ACOT11: variants seen among roughly 807,000 people sequenced by gnomAD.
ACOT11 encodes acyl-CoA thioesterase 11.
A neutral mutation model predicts 77.5 loss-of-function variants in ACOT11; 69 were observed. That is an observed-to-expected ratio of 0.89 (90% CI 0.73 to 1.09). The LOEUF is 1.09. Ranked by LOEUF, ACOT11 falls within the 50% of genes least tolerant of loss-of-function variation. ACOT11 has a pLI of 0.00. For missense variants in ACOT11, 766 were observed against 813.7 expected, an observed-to-expected ratio of 0.94 and a Z score of 0.71; for synonymous variants, 279 against 313.0, an observed-to-expected ratio of 0.89 and a Z score of 1.15.
chr1:54,616,454 C>T (rs907005495), intron 15 of ACOT11, among the ~76,000 whole-genome samples: 1 of 151,988 alleles, frequency 6.6e-6, no homozygotes, highest in Non-Finnish European at 1.5e-5. Flanking sequence ...AGCTCCACCT[C>T]CCAGTTTCAA....
chr1:54,597,043 G>A (rs756138829), intron 6 of ACOT11, among the ~76,000 whole-genome samples: 1 of 152,230 alleles, frequency 6.6e-6, no homozygotes, highest in Non-Finnish European at 1.5e-5. Context: ...CAGACCTGCT[G>A]TCTTGTCTCA....
At chr1:54,580,721 C>G (rs955065382) in intron 1 of ACOT11, among the ~76,000 whole-genome samples, 1 of 152,208 alleles carries the variant, frequency 6.6e-6, no homozygotes, top group Non-Finnish European at 1.5e-5. Flanking sequence ...AAGCATCTGT[C>G]TGATGGGGGT....
chr1:54,589,697 G>A (rs996378695), intron 3 of ACOT11, among the ~76,000 whole-genome samples: 4 of 151,962 alleles, frequency 2.6e-5, no homozygotes, highest in African/African-American at 9.7e-5. Context: ...ATGTTGACCA[G>A]GCTGGTCTCA....
At chr1:54,603,794 GA>G (rs1643992410) in intron 10 of ACOT11, 76 bp from the exon 11 acceptor site, 4 of 1,372,834 alleles carry the variant, frequency 2.9e-6, no homozygotes, top group Middle Eastern at 1.8e-4. Context: ...GCCTAGCACA[GA>G]GTAGGCCTGC....
At chr1:54,555,830 C>T (rs997274265) in intron 1 of ACOT11, among the ~76,000 whole-genome samples, 13 of 152,044 alleles carry the variant, frequency 8.6e-5, no homozygotes, top group South Asian at 2.1e-4. Context: ...CTGCAACCTC[C>T]GCCTCCCAGG....
At position 54,607,067 on chromosome 1, in the gene ACOT11, G is replaced by C. The variant is rs1318129565; in HGVS notation, c.1371-67G>C. On this transcript the variant is annotated intron_variant, in intron 13 of 15. Coordinates refer to ENST00000343744, the MANE Select transcript of ACOT11 (RefSeq NM_147161.4). This position sits in a 1 kb window ranked among gnomAD's most constrained non-coding sequence, Gnocchi z 4.5. ...AGGCACTGCAGTGTGGCAGGGCCCG[G>C]GCAGACCCGCTGCTTGCATGGGAGC... is the stretch of plus-strand genomic sequence containing the variant. 7.5e-6 allele frequency: 12 copies of C among 1,602,178 alleles called. No homozygotes were observed. The highest frequency in any genetic ancestry group is 4.3e-6 in the Non-Finnish European group (5 of 1,174,162).
At position 54,627,025 on chromosome 1, in the gene ACOT11, T is replaced by G. The variant is rs1242572179; in HGVS notation, c.1630-3709T>G. Among the ~76,000 whole-genome samples, 4 of 133,618 alleles carry G rather than the reference T, an allele frequency of 3.0e-5. 1 individual carries two copies. The highest frequency in any genetic ancestry group is 6.8e-5 in the Non-Finnish European group (4 of 59,148). The allele number at this position is 133,618 out of a possible 152,430, so 87.7% of individuals were successfully genotyped here. A position where few individuals can be genotyped will look rare whatever the true frequency, so the allele number is the denominator to read the frequency against. On this transcript the variant is annotated intron_variant, in intron 15 of 16. Coordinates refer to the ACOT11 transcript ENST00000371316. Reference sequence around the variant, plus strand: ...GTGCGCACCACCACGCTCAGCTAATTTTTGTATTTTTAGTAAAGACGGGGT... The same window carrying G: ...GTGCGCACCACCACGCTCAGCTAATGTTTGTATTTTTAGTAAAGACGGGGT...
intron 1 of ACOT11, among the ~76,000 whole-genome samples, chr1:54,577,314 C>T (rs994756997): frequency 6.6e-5 from 10 of 152,108 alleles, no homozygotes; most frequent in African/African-American, 2.2e-4. Flanking sequence ...TTCCCTCTGC[C>T]CCCAGCCCCG....
At chr1:54,622,444 G>A (rs1644239474) in intron 15 of ACOT11, among the ~76,000 whole-genome samples, 1 of 152,118 alleles carries the variant, frequency 6.6e-6, no homozygotes. Context: ...TGAGCGTGGT[G>A]GCGCACGCCT....
rs138724698 is a variant in ACOT11, at chr1:54,607,183, G to A, written c.1420G>A (p.Val474Ile). Residue 474 changes from valine (V) to isoleucine (I), a missense_variant, in exon 14 of 16, where the codon GTC (valine) becomes ATC (isoleucine). By Grantham distance (29) the Val-to-Ile change is conservative. Coordinates refer to ENST00000343744, the MANE Select transcript of ACOT11 (RefSeq NM_147161.4). This position sits in a 1 kb window ranked among gnomAD's most constrained non-coding sequence, Gnocchi z 4.5. ...QVDEDDAIYH[V>I]TSPALGGHTK... ...AGACGAGGACGACGCCATCTACCACGTCACCAGCCCTGCCCTCGGAGGTCA... is the reference window on the plus strand; with the variant it reads ...AGACGAGGACGACGCCATCTACCACATCACCAGCCCTGCCCTCGGAGGTCA... 2.2e-3 allele frequency: 3,564 copies of A among 1,614,172 alleles called. 9 individuals carry two copies. The highest frequency in any genetic ancestry group is 2.6e-3 in the Non-Finnish European group (3,102 of 1,180,034).
chr1:54,576,877 G>A (rs1481640058), intron 1 of ACOT11, among the ~76,000 whole-genome samples: 1 of 152,104 alleles, frequency 6.6e-6, no homozygotes, highest in African/African-American at 2.4e-5. Context: ...TTCAGGATTG[G>A]AAAGAATCTT....
intron 2 of ACOT11, among the ~76,000 whole-genome samples, chr1:54,585,097 C>G (rs146480565): frequency 1.3e-5 from 2 of 152,306 alleles, no homozygotes; most frequent in East Asian, 3.9e-4. Flanking sequence ...GGCCCTAAGT[C>G]CCTGCCTCAA....
downstream of ACOT11, among the ~76,000 whole-genome samples, chr1:54,612,216 A>G (rs1343940715): frequency 2.0e-5 from 3 of 151,638 alleles, no homozygotes; most frequent in Admixed American, 1.3e-4. Context: ...CTCCTATTGG[A>G]GGAAGCTGTG....
chr1:54,574,057 AC>A (rs1654018325), intron 1 of ACOT11, among the ~76,000 whole-genome samples: 2 of 151,928 alleles, frequency 1.3e-5, no homozygotes, highest in African/African-American at 4.8e-5. Flanking sequence ...ATAGTTCATT[AC>A]AGTGCTTGGC....
chr1:54,600,512 G>A (rs1329587211), intron 8 of ACOT11, among the ~76,000 whole-genome samples: 5 of 152,014 alleles, frequency 3.3e-5, no homozygotes, highest in Admixed American at 6.6e-5. Flanking sequence ...GCGAAACCCC[G>A]TCTCTATTAA....
chr1:54,552,701 G>A (rs1653112127), intron 1 of ACOT11, among the ~76,000 whole-genome samples: 1 of 152,134 alleles, frequency 6.6e-6, no homozygotes, highest in Non-Finnish European at 1.5e-5. Context: ...TGGCCAGGCT[G>A]GTCTTGAACT....
At chr1:54,552,445 C>G (rs1019762365) in intron 1 of ACOT11, among the ~76,000 whole-genome samples, 1 of 152,088 alleles carries the variant, frequency 6.6e-6, no homozygotes, top group Non-Finnish European at 1.5e-5. Context: ...CATATGTGAA[C>G]CCCCAGCCTC....
chr1:54,607,178 A>G lies in ACOT11; in HGVS notation c.1415A>G (p.Tyr472Cys), dbSNP rs2101006865. Reference sequence around the variant, plus strand: ...CAGGTAGACGAGGACGACGCCATCTACCACGTCACCAGCCCTGCCCTCGGA... The same window carrying G: ...CAGGTAGACGAGGACGACGCCATCTGCCACGTCACCAGCCCTGCCCTCGGA... ...VQQVDEDDAI[Y>C]HVTSPALGGH... The change falls in exon 14 of 16, where the codon TAC becomes TGC. Residue 472 changes from tyrosine (Y) to cysteine (C), a missense_variant. Coordinates refer to ENST00000343744, the MANE Select transcript of ACOT11 (RefSeq NM_147161.4). The surrounding 1 kb of genome is among the most constrained non-coding windows in gnomAD (Gnocchi z 4.5). The G allele has an allele frequency of 2.5e-6, 4 of 1,614,160 alleles. No homozygotes were observed. The highest frequency in any genetic ancestry group is 4.5e-5 in the East Asian group (2 of 44,870).
At chr1:54,590,075 G>A (rs1172776) in intron 3 of ACOT11, among the ~76,000 whole-genome samples, 16,362 of 149,694 alleles carry the variant, frequency 0.11, 1,655 homozygotes, top group African/African-American at 0.25. Flanking sequence ...GCAATAGAGC[G>A]AGACTCTGTC....
Sources: gnomAD v4.1 joint callset for allele counts (sites outside exome capture counted in the v4.1 genomes callset) on GRCh38, gnomAD v4.1.1 for gene constraint, Gnocchi (gnomAD v3.1) non-coding constraint, MANE v1.5 for transcripts, NCBI Gene and HGNC (gene_info 2026-07-23, HGNC 2026-07-21) for gene names.